Variants in RIT2 observed in about 807,000 individuals in gnomAD.
The protein encoded by RIT2 is GTP-binding protein Rit2.
RIT2 carries 24 observed loss-of-function variants against 23.7 expected under a neutral mutation model. The ratio of observed to expected loss-of-function variants is 1.01; its 90% CI spans 0.73 to 1.43. The LOEUF is 1.43. Among genes scored for constraint, RIT2 ranks in the 40% most tolerant of loss-of-function variants. The probability of loss-of-function intolerance (pLI) is 0.00; values close to 1 mark genes in which losing one functional copy is unlikely to be tolerated. For missense variants in RIT2, 236 were observed against 266.9 expected (o/e 0.88, Z 0.81); for synonymous variants, 107 against 91.1 (o/e 1.17, Z -0.99).
rs539836622 is a variant in RIT2, at chr18:42,994,933, G to A, written c.161-20786C>T. On this transcript the variant is annotated intron_variant, in intron 2 of 4. Coordinates refer to ENST00000326695, the MANE Select transcript of RIT2 (RefSeq NM_002930.4). ...CCACAATTACCATTGTTCCTGGCCC[G>A]GACTTCAATCCGGCCTCCCACATTA... 1.1e-4 allele frequency among the ~76,000 whole-genome samples: 17 copies of A among 152,114 alleles called. No individual in the cohort carries two copies. In the South Asian group the frequency reaches 2.9e-3, roughly 26 times the overall value.
Position 43,097,572 on chromosome 18 carries a change from A to G in RIT2, c.103+17845T>C, listed in dbSNP as rs572110511. On this transcript the variant is annotated intron_variant, in intron 1 of 4. Coordinates refer to ENST00000326695, the MANE Select transcript of RIT2 (RefSeq NM_002930.4). ...TTATGCAAAAGTTACATATAGAGACATAAGGTATACTTGGGAGACAATGAA... is the reference window on the plus strand; with the variant it reads ...TTATGCAAAAGTTACATATAGAGACGTAAGGTATACTTGGGAGACAATGAA... Among the ~76,000 whole-genome samples, 218 of 152,028 alleles carry G rather than the reference A, an allele frequency of 1.4e-3. 2 individuals carry two copies. In the South Asian group the frequency reaches 0.017, roughly 12 times the overall value.
chr18:42,788,247 T>C (rs1010019464), intron 4 of RIT2, among the ~76,000 whole-genome samples: 4 of 152,142 alleles, frequency 2.6e-5, no homozygotes, highest in Non-Finnish European at 5.9e-5. Flanking sequence ...TATTGTTTAG[T>C]TAAAATATAC....
chr18:42,869,983 C>T (rs1017411082), intron 4 of RIT2, among the ~76,000 whole-genome samples: 1 of 152,302 alleles, frequency 6.6e-6, no homozygotes, highest in East Asian at 1.9e-4. Context: ...CCCCTCTTCT[C>T]TCTGGGATCT....
chr18:42,744,094 C>G (rs1041033570), intron 4 of RIT2, among the ~76,000 whole-genome samples: 1 of 152,054 alleles, frequency 6.6e-6, no homozygotes, highest in Non-Finnish European at 1.5e-5. Flanking sequence ...CCACTGAGCA[C>G]CTTGTGACCC....
intron 2 of RIT2, among the ~76,000 whole-genome samples, chr18:43,009,225 A>G (rs1016775540): frequency 6.6e-6 from 1 of 151,708 alleles, no homozygotes; most frequent in Non-Finnish European, 1.5e-5. Context: ...TTAAATATAC[A>G]CGTCAGTCAC....
chr18:42,869,957 T>C lies in RIT2; in HGVS notation c.426+53615A>G, dbSNP rs533831812. ...TTCCCTGCCACCTCCAGACTTCCCA[T>C]TGGCCCTCACGGGCACCCCTCTTCT... is the stretch of plus-strand genomic sequence containing the variant. On this transcript the variant is annotated intron_variant, in intron 4 of 4. Coordinates refer to ENST00000326695, the MANE Select transcript of RIT2 (RefSeq NM_002930.4). Among the ~76,000 whole-genome samples the C allele has an allele frequency of 3.3e-5, 5 of 152,336 alleles. No homozygotes were observed. In the East Asian group the frequency reaches 7.7e-4, roughly 24 times the overall value.
chr18:42,892,404 C>T (rs1908204712), intron 4 of RIT2, among the ~76,000 whole-genome samples: 1 of 152,168 alleles, frequency 6.6e-6, no homozygotes, highest in Non-Finnish European at 1.5e-5. Context: ...TTGGATTATA[C>T]AGATTCTTAA....
At chr18:43,086,836 C>G (rs949331819) in intron 1 of RIT2, among the ~76,000 whole-genome samples, 1 of 152,266 alleles carries the variant, frequency 6.6e-6, no homozygotes, top group Admixed American at 6.5e-5. Flanking sequence ...TTCTCAAAGA[C>G]AGTTCTGAGA....
chr18:43,000,070 T>A (rs975146250), intron 2 of RIT2, among the ~76,000 whole-genome samples: 2 of 152,130 alleles, frequency 1.3e-5, no homozygotes, highest in African/African-American at 4.8e-5. Flanking sequence ...ATGTGCTTCA[T>A]ATAGGTGATT....
chr18:43,099,307 G>A (rs954972636), intron 1 of RIT2, among the ~76,000 whole-genome samples: 2 of 151,902 alleles, frequency 1.3e-5, no homozygotes, highest in African/African-American at 4.8e-5. Context: ...AACAGAGTGT[G>A]ATTTCCAAGG....
At chr18:42,945,978 T>C (rs1344330780) in intron 3 of RIT2, among the ~76,000 whole-genome samples, 1 of 152,146 alleles carries the variant, frequency 6.6e-6, no homozygotes, top group African/African-American at 2.4e-5. Flanking sequence ...TAATGTTTTT[T>C]GTTGTTTAAT....
intron 4 of RIT2, among the ~76,000 whole-genome samples, chr18:42,850,380 C>T (rs985147423): frequency 4.6e-5 from 7 of 152,114 alleles, no homozygotes; most frequent in Non-Finnish European, 8.8e-5. Context: ...CATGTTTATG[C>T]ACGGTTAATG....
intron 4 of RIT2, among the ~76,000 whole-genome samples, chr18:42,777,010 A>G (rs1282307722): frequency 2.0e-5 from 3 of 152,194 alleles, no homozygotes; most frequent in Non-Finnish European, 2.9e-5. Context: ...GAAAAGATGG[A>G]GGAAAATGGT....
intron 4 of RIT2, among the ~76,000 whole-genome samples, chr18:42,791,364 C>T (rs896786067): frequency 1.3e-5 from 2 of 152,180 alleles, no homozygotes; most frequent in Non-Finnish European, 2.9e-5. Flanking sequence ...TCCCAGACTA[C>T]TCTGTACGTG....
At chr18:42,942,599 G>A (rs910995168) in intron 3 of RIT2, among the ~76,000 whole-genome samples, 3 of 151,992 alleles carry the variant, frequency 2.0e-5, no homozygotes, top group Non-Finnish European at 2.9e-5. Flanking sequence ...GTCCACGTGC[G>A]CTTTCTCCAA....
intron 4 of RIT2, among the ~76,000 whole-genome samples, chr18:42,818,701 A>G (rs988216071): frequency 1.1e-4 from 17 of 152,102 alleles, no homozygotes; most frequent in Admixed American, 9.2e-4. Context: ...AAAAAAATCA[A>G]TCTCAGAAGA....
At chr18:42,935,789 C>G (rs1909440090) in intron 3 of RIT2, among the ~76,000 whole-genome samples, 1 of 151,932 alleles carries the variant, frequency 6.6e-6, no homozygotes, top group Non-Finnish European at 1.5e-5. Flanking sequence ...AGGGAGGGAG[C>G]GGGCCCCAGC....
intron 4 of RIT2, among the ~76,000 whole-genome samples, chr18:42,856,736 T>A (rs1288274830): frequency 6.6e-6 from 1 of 152,084 alleles, no homozygotes; most frequent in African/African-American, 2.4e-5. Flanking sequence ...AAAGAGTGGT[T>A]CTCAAATAGT....
At chr18:42,957,108 A>G (rs1909990091) in intron 3 of RIT2, among the ~76,000 whole-genome samples, 1 of 152,194 alleles carries the variant, frequency 6.6e-6, no homozygotes, top group Non-Finnish European at 1.5e-5. Flanking sequence ...AATGATACAT[A>G]CATTAGGCAT....
Sources: allele counts gnomAD v4.1 joint callset (sites outside exome capture counted in the v4.1 genomes callset), GRCh38; gene constraint gnomAD v4.1.1; transcripts MANE v1.5; gene names NCBI Gene and HGNC (gene_info 2026-07-23, HGNC 2026-07-21).